HECW2: variants seen among roughly 807,000 people sequenced by gnomAD.
HECW2 encodes the protein E3 ubiquitin-protein ligase HECW2.
A neutral mutation model predicts 175.2 loss-of-function variants in HECW2; 61 were observed. The observed-to-expected ratio is 0.35, with a 90% confidence interval of 0.28 to 0.43. The LOEUF is 0.43. Among genes scored for constraint, HECW2 ranks in the 20% least tolerant of loss-of-function variants. The pLI, the probability that HECW2 is intolerant of heterozygous loss-of-function variation, is 1.00. For missense variants in HECW2, 1,524 were observed against 2,000.5 expected (o/e 0.76, Z 4.54); for synonymous variants, 671 against 731.0 (o/e 0.92, Z 1.32).
intron 10 of HECW2, among the ~76,000 whole-genome samples, chr2:196,312,011 C>A (rs562641818): frequency 6.6e-6 from 1 of 152,136 alleles, no homozygotes; most frequent in Non-Finnish European, 1.5e-5. Context: ...GCAGGTAGAA[C>A]GTAAGGTCTT....
intron 19 of HECW2, 39 bp from the exon 20 acceptor site, chr2:196,242,243 G>A: frequency 6.2e-7 from 1 of 1,613,004 alleles, no homozygotes; most frequent in South Asian, 1.1e-5. Context: ...CTGGATTTGT[G>A]CCTCGTCCTT....
intron 17 of HECW2, chr2:196,262,967 C>T (rs568774117): frequency 2.0e-5 from 3 of 151,830 alleles, no homozygotes; most frequent in Non-Finnish European, 2.9e-5. Flanking sequence ...GCCAAAATAA[C>T]GTATGTGGCT....
chr2:196,584,452 CA>C (rs370790350), intron 1 of HECW2, among the ~76,000 whole-genome samples: 2 of 152,140 alleles, frequency 1.3e-5, no homozygotes, highest in African/African-American at 4.8e-5. Flanking sequence ...AGATCCTTTC[CA>C]ATTTTTCCTC....
chr2:196,371,433 C>T (rs1693907184), intron 2 of HECW2, among the ~76,000 whole-genome samples: 1 of 152,122 alleles, frequency 6.6e-6, no homozygotes, highest in Non-Finnish European at 1.5e-5. Context: ...GAAAGGGGCA[C>T]TAACATGAGA....
intron 4 of HECW2, 99 bp from the exon 5 acceptor site, chr2:196,329,749 A>C: frequency 3.3e-6 from 3 of 918,722 alleles, no homozygotes; most frequent in South Asian, 2.7e-5. Flanking sequence ...TGATTTTTGC[A>C]TCAAACGGGT....
At chr2:196,217,157 G>T in intron 26 of HECW2, 64 bp from the exon 27 acceptor site, 1 of 1,139,368 alleles carries the variant, frequency 8.8e-7, no homozygotes, top group Non-Finnish European at 1.3e-6. Flanking sequence ...ACCAAGATAC[G>T]TGACACGAAG....
At chr2:196,268,799 G>C (rs1689617043) in intron 17 of HECW2, among the ~76,000 whole-genome samples, 2 of 152,158 alleles carry the variant, frequency 1.3e-5, no homozygotes, top group South Asian at 2.1e-4. Context: ...CCTTTATTTT[G>C]TGATTAGCAA....
chr2:196,385,768 T>A (rs954366560), intron 2 of HECW2, among the ~76,000 whole-genome samples: 3 of 152,238 alleles, frequency 2.0e-5, no homozygotes, highest in Non-Finnish European at 4.4e-5. Flanking sequence ...AAATATAACT[T>A]GTCTAGATTA....
At chr2:196,415,315 G>T (rs1162420938) in intron 2 of HECW2, among the ~76,000 whole-genome samples, 1 of 152,182 alleles carries the variant, frequency 6.6e-6, no homozygotes, top group African/African-American at 2.4e-5. Context: ...AAGCCTATGA[G>T]ATTGAAAAAA....
chr2:196,258,011 T>A (rs1304852073), intron 17 of HECW2, 105 bp from the exon 18 acceptor site: 4 of 767,482 alleles, frequency 5.2e-6, no homozygotes, highest in Non-Finnish European at 8.9e-6. Flanking sequence ...TTTTGGTACC[T>A]ATTATGTGGC....
At position 196,203,006 on chromosome 2, in the gene HECW2, C is replaced by T. The variant is rs190630633; in HGVS notation, c.4608-1618G>A. On this transcript the variant is annotated intron_variant, in intron 28 of 28. Transcript: ENST00000644978. ...TTGGTTCATGAAACAAAGTTTTGAC[C>T]GCGTTTTTGACTGCACCCTGTCATA... is the stretch of plus-strand genomic sequence containing the variant. 1.8e-3 allele frequency among the ~76,000 whole-genome samples: 276 copies of T among 152,096 alleles called. 1 individual carries two copies. The highest frequency in any genetic ancestry group is 6.8e-3 in the Middle Eastern group (2 of 294).
intron 28 of HECW2, among the ~76,000 whole-genome samples, chr2:196,211,745 C>T (rs562525474): frequency 1.1e-4 from 17 of 152,274 alleles, no homozygotes; most frequent in East Asian, 1.9e-4. Flanking sequence ...CTCATTGCTC[C>T]GGTTGCCAGG....
chr2:196,491,113 T>C (rs1204352287), intron 1 of HECW2, among the ~76,000 whole-genome samples: 1 of 152,098 alleles, frequency 6.6e-6, no homozygotes, highest in African/African-American at 2.4e-5. Context: ...ATATAAATCA[T>C]ACCACAATAA....
At chr2:196,473,518 C>T (rs763635328) in intron 1 of HECW2, among the ~76,000 whole-genome samples, 6 of 152,180 alleles carry the variant, frequency 3.9e-5, no homozygotes, top group Non-Finnish European at 8.8e-5. Flanking sequence ...AACCTACATC[C>T]AGACCCTGAA....
At chr2:196,446,080 GC>G (rs912088619) in intron 1 of HECW2, among the ~76,000 whole-genome samples, 1 of 152,120 alleles carries the variant, frequency 6.6e-6, no homozygotes, top group Non-Finnish European at 1.5e-5. Context: ...GGTCTAGAAA[GC>G]CCCACATGAT....
chr2:196,447,122 G>C (rs1461499024), intron 1 of HECW2, among the ~76,000 whole-genome samples: 1 of 152,060 alleles, frequency 6.6e-6, no homozygotes, highest in Non-Finnish European at 1.5e-5. Context: ...TTGATACCAA[G>C]TTTAATTTTA....
chr2:196,547,653 G>A (rs1221005070), intron 1 of HECW2, among the ~76,000 whole-genome samples: 1 of 152,186 alleles, frequency 6.6e-6, no homozygotes, highest in East Asian at 1.9e-4. Context: ...AAGGTGGCCT[G>A]AACAGGAGCA....
intron 1 of HECW2, among the ~76,000 whole-genome samples, chr2:196,552,562 G>A (rs1182480802): frequency 6.6e-6 from 1 of 152,202 alleles, no homozygotes; most frequent in African/African-American, 2.4e-5. Flanking sequence ...TCAGGAGCAT[G>A]GTACAAAACA....
At chr2:196,539,345 T>C (rs572930002) in intron 1 of HECW2, among the ~76,000 whole-genome samples, 1 of 152,276 alleles carries the variant, frequency 6.6e-6, no homozygotes, top group East Asian at 1.9e-4. Context: ...CAAATACTTT[T>C]ACGTAGGCCG....
Sources: gnomAD v4.1 joint callset for allele counts (sites outside exome capture counted in the v4.1 genomes callset) on GRCh38, gnomAD v4.1.1 for gene constraint, MANE v1.5 for transcripts, NCBI Gene and HGNC (gene_info 2026-07-23, HGNC 2026-07-21) for gene names.